The following KNTC1 variants were observed in gnomAD, a reference collection of about 807,000 sequenced individuals.
The protein encoded by KNTC1 is kinetochore-associated protein 1.
In KNTC1, 253 loss-of-function variants were observed where a neutral mutation model predicts 314.4. That is an observed-to-expected ratio of 0.80 (90% confidence interval 0.73 to 0.89). The LOEUF is 0.89. Among genes scored for constraint, KNTC1 ranks in the 40% least tolerant of loss-of-function variants. The pLI is 0.00. For synonymous variants in KNTC1, 901 were observed against 901.4 expected, an observed-to-expected ratio of 1.00 and a Z score of 0.01; for missense variants, 2,475 against 2,572.9, an observed-to-expected ratio of 0.96 and a Z score of 0.82.
At chr12:122,550,915 G>C (rs1348754500) in intron 13 of KNTC1, among the ~76,000 whole-genome samples, 1 of 152,128 alleles carries the variant, frequency 6.6e-6, no homozygotes, top group Non-Finnish European at 1.5e-5. Context: ...TTCATGTTAA[G>C]CTTTTTTTGG....
rs539657626 is a variant in KNTC1 at position 122,587,300 on chromosome 12, T to C, written c.3731-411T>C. 9.8e-5 allele frequency among the ~76,000 whole-genome samples: 15 copies of C among 152,364 alleles called. No individual in the cohort carries two copies. In the South Asian group the frequency reaches 2.5e-3, roughly 25 times the overall value. The stretch of plus-strand genomic sequence containing the variant: ...CTAAAAAAACAAAAAATCGTAGTTC[T>C]AGAAATTTCTTGAAATTCTAAATAT... On this transcript the variant is annotated intron_variant, in intron 38 of 63. Transcript: ENST00000333479.
chr12:122,540,486 A>G (rs1962218558), intron 5 of KNTC1, among the ~76,000 whole-genome samples: 1 of 152,040 alleles, frequency 6.6e-6, no homozygotes, highest in Admixed American at 6.6e-5. Context: ...ATTTTTTTCT[A>G]TCAATGCAAT....
intron 1 of KNTC1, among the ~76,000 whole-genome samples, chr12:122,528,466 A>G (rs569059949): frequency 5.3e-5 from 8 of 152,176 alleles, no homozygotes; most frequent in African/African-American, 1.9e-4. Context: ...AACTCAAAAC[A>G]TTTGGAGGCT....
rs1593550880 is a variant in KNTC1 at position 122,563,834 on chromosome 12, CAGA to C, written c.1604+1138_1604+1140del. 6 of 1,440,592 alleles carry C rather than the reference CAGA, an allele frequency of 4.2e-6. No homozygotes were observed. The East Asian group carries it at 1.5e-4, about 37-fold the overall frequency. The allele number at this position is 1,440,592 out of a possible 1,614,324, so 89.2% of individuals were successfully genotyped here. A position where few individuals can be genotyped will look rare whatever the true frequency, so the allele number is the denominator to read the frequency against. ...CTTCAGCAGGAGGCAAAGACTTCAACAGAAGGAGACAGTCTTCACTCTATAAAC... is the reference window on the plus strand; with the variant it reads ...CTTCAGCAGGAGGCAAAGACTTCAACAGGAGACAGTCTTCACTCTATAAAC... On this transcript the variant is annotated intron_variant, in intron 20 of 63. Transcript: ENST00000333479.
intron 42 of KNTC1, 139 bp from the exon 43 acceptor site, chr12:122,594,137 G>A: frequency 1.7e-6 from 1 of 603,234 alleles, no homozygotes; most frequent in Non-Finnish European, 2.9e-6. Flanking sequence ...GGGTTGGGTA[G>A]TGTGAGGTTG....
At chr12:122,548,647 A>G (rs1962965061) in intron 12 of KNTC1, among the ~76,000 whole-genome samples, 1 of 152,212 alleles carries the variant, frequency 6.6e-6, no homozygotes, top group African/African-American at 2.4e-5. Context: ...ATGGGGTAGA[A>G]CATCATTTCA....
At chr12:122,534,598 A>T in intron 2 of KNTC1, 66 bp from the exon 3 acceptor site, 1 of 1,425,118 alleles carries the variant, frequency 7.0e-7, no homozygotes, top group Non-Finnish European at 9.6e-7. Context: ...TGATGATACT[A>T]TTGATAAGTA....
intron 12 of KNTC1, among the ~76,000 whole-genome samples, 184 bp from the exon 13 acceptor site, chr12:122,549,582 T>G (rs1963046393): frequency 6.6e-6 from 1 of 152,022 alleles, no homozygotes; most frequent in Non-Finnish European, 1.5e-5. Context: ...CCCAGGCTGG[T>G]CTGGAACTCC....
chr12:122,620,284 G>A, intron 59 of KNTC1, 195 bp from the exon 60 acceptor site: 2 of 401,644 alleles, frequency 5.0e-6, no homozygotes, highest in Non-Finnish European at 8.9e-6. Context: ...GTTCCCATGG[G>A]TAAATTCTTT....
At chr12:122,562,805 T>A in intron 20 of KNTC1, 106 bp downstream of exon 20, 1 of 656,348 alleles carries the variant, frequency 1.5e-6, no homozygotes, top group Non-Finnish European at 2.8e-6. Context: ...AGATCAGGAG[T>A]TCGAGACCAG....
chr12:122,601,574 G>A lies in KNTC1; in HGVS notation c.4602G>A (p.Leu1534=). The A allele has an allele frequency of 6.5e-7, 1 of 1,536,780 alleles. No homozygotes were observed. The highest frequency in any genetic ancestry group is 8.8e-7 in the Non-Finnish European group (1 of 1,141,814). ...PYDYEMIEVV[L]KVIERADEKI... ...ACTATGAAATGATTGAAGTTGTCTT[G>A]AAAGTTATAGAACGAGCTGATGAAA... Residue 1534 remains leucine, a synonymous_variant, in exon 45 of 64, where the codon TTG becomes TTA. Coordinates refer to ENST00000333479, the MANE Select transcript of KNTC1 (RefSeq NM_014708.6).
chr12:122,566,311 G>C (rs531243831), intron 20 of KNTC1, among the ~76,000 whole-genome samples: 1 of 150,108 alleles, frequency 6.7e-6, no homozygotes, highest in Admixed American at 6.7e-5. Context: ...GCGGTGGCTC[G>C]ATCTTGACTC....
chr12:122,618,620 T>G, intron 59 of KNTC1, 75 bp downstream of exon 59: 3 of 1,045,162 alleles, frequency 2.9e-6, no homozygotes, highest in Non-Finnish European at 4.4e-6. Context: ...TAGATATCTC[T>G]AATGAGTAAT....
At chr12:122,569,257 G>A (rs1964535966) in intron 21 of KNTC1, among the ~76,000 whole-genome samples, 1 of 152,176 alleles carries the variant, frequency 6.6e-6, no homozygotes, top group Admixed American at 6.6e-5. Flanking sequence ...AGAAGATGTT[G>A]CTACTGCAGC....
intron 2 of KNTC1, among the ~76,000 whole-genome samples, chr12:122,532,746 TTTAGGA>T (rs372697476): frequency 2.0e-5 from 3 of 152,306 alleles, no homozygotes; most frequent in East Asian, 3.9e-4. Flanking sequence ...ATTCATTCCT[TTTAGGA>T]TCTTACCTTA....
chr12:122,552,134 C>T (rs1963244932), intron 16 of KNTC1, among the ~76,000 whole-genome samples: 1 of 152,074 alleles, frequency 6.6e-6, no homozygotes, highest in Non-Finnish European at 1.5e-5. Context: ...CCTTGAACTC[C>T]TAACCTCCTC....
At chr12:122,577,157 T>C (rs1034571519) in intron 30 of KNTC1, 128 bp downstream of exon 30, 1 of 630,758 alleles carries the variant, frequency 1.6e-6, no homozygotes. Flanking sequence ...ACCATGTTGG[T>C]CACGCTGGTC....
intron 40 of KNTC1, among the ~76,000 whole-genome samples, chr12:122,589,512 C>A (rs867794412): frequency 6.8e-6 from 1 of 146,964 alleles, no homozygotes; most frequent in Non-Finnish European, 1.5e-5. Flanking sequence ...ACTCTGTCAC[C>A]TAGGCTATAG....
intron 20 of KNTC1, among the ~76,000 whole-genome samples, chr12:122,565,199 G>T (rs10847189): frequency 0.31 from 45,420 of 144,288 alleles, 8,421 homozygotes; most frequent in Admixed American, 0.4. Context: ...AAAGCCTTTT[G>T]TTTTTCTCCT....
Sources: allele counts gnomAD v4.1 joint callset (sites outside exome capture counted in the v4.1 genomes callset), GRCh38; gene constraint gnomAD v4.1.1; transcripts MANE v1.5; gene names NCBI Gene and HGNC (gene_info 2026-07-23, HGNC 2026-07-21).